TTC7B: variants seen among roughly 807,000 people sequenced by gnomAD.
TTC7B encodes tetratricopeptide repeat domain 7B.
TTC7B carries 28 observed loss-of-function variants against 106.8 expected under a neutral mutation model. That is an observed-to-expected ratio of 0.26 (90% CI 0.19 to 0.36). The LOEUF (loss-of-function observed/expected upper bound fraction) is 0.36, where lower values mean the gene tolerates loss of function less well. Among genes scored for constraint, TTC7B ranks in the 10% least tolerant of loss-of-function variants. The probability of loss-of-function intolerance (pLI) is 1.00; values close to 1 mark genes in which losing one functional copy is unlikely to be tolerated. For synonymous variants in TTC7B, 405 were observed against 430.6 expected, an observed-to-expected ratio of 0.94 and a Z score of 0.74; for missense variants, 862 against 1,076.4, an observed-to-expected ratio of 0.80 and a Z score of 2.79.
intron 4 of TTC7B, among the ~76,000 whole-genome samples, chr14:90,738,289 T>G (rs1445276328): frequency 6.6e-6 from 1 of 152,138 alleles, no homozygotes; most frequent in African/African-American, 2.4e-5. Flanking sequence ...AAGAAACCAC[T>G]ACTCTCCCAT....
chr14:90,688,099 A>T (rs1281676117), intron 7 of TTC7B, among the ~76,000 whole-genome samples: 1 of 152,220 alleles, frequency 6.6e-6, no homozygotes, highest in Non-Finnish European at 1.5e-5. Flanking sequence ...CTGTTTTTCT[A>T]ATTTGAAAAC....
chr14:90,708,283 A>G (rs113728452), intron 5 of TTC7B, among the ~76,000 whole-genome samples: 6,035 of 152,230 alleles, frequency 0.04, 171 homozygotes, highest in Non-Finnish European at 0.06. Context: ...TTCAATGTAG[A>G]TGAAACAGCC....
rs190205946 is a variant in TTC7B at position 90,551,777 on chromosome 14, C to A, written c.2311-10188G>T. The stretch of plus-strand genomic sequence containing the variant: ...CTCCTTTCCTCCCGGGCGGCCCTTT[C>A]TTCTCTGGCAAGTGTCAGAGGCACT... On this transcript the variant is annotated intron_variant, in intron 19 of 19. Coordinates refer to ENST00000328459, the MANE Select transcript of TTC7B (RefSeq NM_001010854.2). 1.8e-4 allele frequency among the ~76,000 whole-genome samples: 27 copies of A among 152,338 alleles called. No individual in the cohort carries two copies. The East Asian group carries it at 4.4e-3, about 25-fold the overall frequency.
intron 3 of TTC7B, among the ~76,000 whole-genome samples, chr14:90,768,910 A>G (rs1434895669): frequency 6.6e-6 from 1 of 152,252 alleles, no homozygotes; most frequent in Admixed American, 6.5e-5. Flanking sequence ...TAGTATTATT[A>G]TAACTTTGGC....
At chr14:90,652,929 T>A in intron 12 of TTC7B, 31 bp from the exon 13 acceptor site, 1 of 1,612,538 alleles carries the variant, frequency 6.2e-7, no homozygotes. Flanking sequence ...GTCAGTGGCA[T>A]GGGGGATCAG....
intron 9 of TTC7B, among the ~76,000 whole-genome samples, chr14:90,662,526 G>GCTT (rs751289290): frequency 1.3e-5 from 2 of 152,192 alleles, no homozygotes; most frequent in Non-Finnish European, 2.9e-5. Context: ...AAGTTGTAGA[G>GCTT]CTTCTGCCTG....
In TTC7B at chr14:90,608,660, T is replaced by C. The variant is rs1892753045; in HGVS notation, c.1966+2082A>G. Among the ~76,000 whole-genome samples, 2 of 152,130 alleles carry C rather than the reference T, an allele frequency of 1.3e-5. No homozygotes were observed. Among genetic ancestry groups the C allele is most frequent in the African/African-American group, 4.8e-5 (2 of 41,428 alleles). ...CCCAGGGCAGTGACACCGCAGACTG[T>C]GTCACACAGGCACATCTTCCCTAAA... On this transcript the variant is annotated intron_variant, in intron 17 of 19. Transcript: ENST00000328459. This position sits in a 1 kb window ranked among gnomAD's most constrained non-coding sequence, Gnocchi z 5.1.
In TTC7B at chr14:90,657,677, C is replaced by T. The variant is rs958245021; in HGVS notation, c.1237-399G>A. On this transcript the variant is annotated intron_variant, in intron 10 of 19. Coordinates refer to ENST00000328459, the MANE Select transcript of TTC7B (RefSeq NM_001010854.2). This position sits in a 1 kb window ranked among gnomAD's most constrained non-coding sequence, Gnocchi z 4.2. Reference sequence around the variant, plus strand: ...TCTCAGGCTTCATTCGCTAAATGGCCCAAATTAGCAAGAAAAACAATAGCT... The same window carrying T: ...TCTCAGGCTTCATTCGCTAAATGGCTCAAATTAGCAAGAAAAACAATAGCT... Among the ~76,000 whole-genome samples the T allele has an allele frequency of 2.0e-5, 3 of 152,268 alleles. No individual in the cohort carries two copies. Among genetic ancestry groups the T allele is most frequent in the Non-Finnish European group, 4.4e-5 (3 of 68,018 alleles).
intron 14 of TTC7B, among the ~76,000 whole-genome samples, chr14:90,645,446 G>A (rs1885401097): frequency 6.6e-6 from 1 of 152,166 alleles, no homozygotes; most frequent in Non-Finnish European, 1.5e-5. Context: ...TTGAGTGTCT[G>A]ACAAGAGAGT....
At chr14:90,558,385 C>T (rs894159302) in intron 19 of TTC7B, among the ~76,000 whole-genome samples, 3 of 152,262 alleles carry the variant, frequency 2.0e-5, no homozygotes, top group South Asian at 4.1e-4. Flanking sequence ...TTTAGGGCTG[C>T]GCCCACCAAG....
intron 9 of TTC7B, among the ~76,000 whole-genome samples, chr14:90,662,173 T>C (rs772708623): frequency 4.6e-5 from 7 of 152,216 alleles, no homozygotes; most frequent in Non-Finnish European, 7.3e-5. Flanking sequence ...AGAGAAGCGA[T>C]AGGAATGTGG....
chr14:90,743,603 A>T (rs1405457394), intron 4 of TTC7B, among the ~76,000 whole-genome samples: 1 of 152,186 alleles, frequency 6.6e-6, no homozygotes, highest in Non-Finnish European at 1.5e-5. Context: ...GAACTCCAGG[A>T]AACACTGCCA....
rs1248208841 is a variant in TTC7B, at chr14:90,573,426, TC to T, written c.2310+4679del. ...GGCCCTCTCCGGCTCACGGTCCCTC[TC>T]CGGCTCACGGTCCCTCTCAGCTCAC... On this transcript the variant is annotated intron_variant, in intron 19 of 19. Transcript: ENST00000328459. 9.5e-3 allele frequency among the ~76,000 whole-genome samples: 1,089 copies of T among 115,014 alleles called. 5 individuals carry two copies. The highest frequency in any genetic ancestry group is 0.016 in the African/African-American group (394 of 25,352). The allele number at this position is 115,014 out of a possible 152,430, so 75.5% of individuals were successfully genotyped here. A position where few individuals can be genotyped will look rare whatever the true frequency, so the allele number is the denominator to read the frequency against.
In TTC7B at chr14:90,525,762, C is replaced by A. The variant is rs1304390451; in HGVS notation, c.*15606G>T. ...ATAATACAATAAGAATAAAACCCAACGACAAAGGCCCTCTCTAACCCGAGT... is the reference window on the plus strand; with the variant it reads ...ATAATACAATAAGAATAAAACCCAAAGACAAAGGCCCTCTCTAACCCGAGT... On this transcript the variant is annotated 3_prime_UTR_variant, in exon 20 of 20. Coordinates refer to ENST00000328459, the MANE Select transcript of TTC7B (RefSeq NM_001010854.2). The A allele has an allele frequency of 6.8e-6, 1 of 148,052 alleles. No homozygotes were observed. The highest frequency in any genetic ancestry group is 2.5e-5 in the African/African-American group (1 of 40,126). The allele number at this position is 148,052 out of a possible 1,614,324, so 9.2% of individuals were successfully genotyped here.
intron 6 of TTC7B, among the ~76,000 whole-genome samples, chr14:90,691,992 T>C (rs1887492734): frequency 6.6e-6 from 1 of 152,230 alleles, no homozygotes; most frequent in South Asian, 2.1e-4. Context: ...CAGCTTCCGT[T>C]ACTTAGCATA....
intron 3 of TTC7B, among the ~76,000 whole-genome samples, chr14:90,763,335 T>TA (rs1422038662): frequency 6.6e-6 from 1 of 152,090 alleles, no homozygotes; most frequent in Non-Finnish European, 1.5e-5. Context: ...CCTATAATGA[T>TA]AAAAACACTC....
In TTC7B at chr14:90,680,439, G is replaced by A. The variant is rs1329194913; in HGVS notation, c.1014+33C>T. On this transcript the variant is annotated intron_variant, in intron 8 of 19. Transcript: ENST00000328459. ...TCAAAAAAGGGTCTACAGGGCCAGG[G>A]GAAAGAACGATGTAAAAACACATTC... 114 of 1,575,274 alleles carry A rather than the reference G, an allele frequency of 7.2e-5. No individual in the cohort carries two copies. The East Asian group carries it at 2.5e-3, about 35-fold the overall frequency.
intron 19 of TTC7B, among the ~76,000 whole-genome samples, chr14:90,546,798 C>T (rs1191551461): frequency 6.6e-6 from 1 of 152,308 alleles, no homozygotes; most frequent in Non-Finnish European, 1.5e-5. Flanking sequence ...AGTGGGTAAG[C>T]GCAGGCCTGC....
intron 9 of TTC7B, among the ~76,000 whole-genome samples, chr14:90,666,253 C>T (rs1886405024): frequency 6.6e-6 from 1 of 152,300 alleles, no homozygotes; most frequent in East Asian, 1.9e-4. Flanking sequence ...CCTCCACCTC[C>T]TGGGTTCAAG....
Sources: gnomAD v4.1 joint callset for allele counts (sites outside exome capture counted in the v4.1 genomes callset) on GRCh38, gnomAD v4.1.1 for gene constraint, Gnocchi (gnomAD v3.1) non-coding constraint, MANE v1.5 for transcripts, NCBI Gene and HGNC (gene_info 2026-07-23, HGNC 2026-07-21) for gene names.